The following TPRA1 variants were observed in gnomAD, a reference collection of about 807,000 sequenced individuals.
TPRA1 encodes the protein transmembrane protein adipocyte associated 1, also known as transmembrane protein adipocyte-associated 1.
A neutral mutation model predicts 40.1 loss-of-function variants in TPRA1; 28 were observed. The ratio of observed to expected loss-of-function variants is 0.70; its 90% CI spans 0.52 to 0.96. TPRA1 has a LOEUF of 0.96. Ranked by LOEUF, TPRA1 falls within the 40% of genes least tolerant of loss-of-function variation. TPRA1 has a pLI of 0.00. For missense variants in TPRA1, 441 were observed against 482.6 expected, an observed-to-expected ratio of 0.91 and a Z score of 0.81; for synonymous variants, 219 against 209.7, an observed-to-expected ratio of 1.04 and a Z score of -0.38.
At chr3:127,584,135 G>GAA (rs111958840) in intron 1 of TPRA1, among the ~76,000 whole-genome samples, 11 of 118,142 alleles carry the variant, frequency 9.3e-5, no homozygotes, top group African/African-American at 2.5e-4. Context: ...AGCAAACTTG[G>GAA]AAAAAAAAAA....
chr3:127,596,243 C>T (rs1471312511), intron 1 of TPRA1, among the ~76,000 whole-genome samples: 1 of 152,190 alleles, frequency 6.6e-6, no homozygotes, highest in African/African-American at 2.4e-5. Flanking sequence ...CTACGCCTGG[C>T]TAATTTTGGA....
Position 127,577,083 on chromosome 3 carries a change from G to T in TPRA1, c.259-7C>A, listed in dbSNP as rs1559836414. On this transcript the variant is annotated splice_region_variant and splice_polypyrimidine_tract_variant and intron_variant, in intron 3 of 10. Transcript: ENST00000355552. ...CCAGCGCCACCACAAACACCTGGTGGGCAAGGGAGTGGTGTGGCAGTCAGG... is the reference window on the plus strand; with the variant it reads ...CCAGCGCCACCACAAACACCTGGTGTGCAAGGGAGTGGTGTGGCAGTCAGG... 1 of 1,613,166 alleles carries T rather than the reference G, an allele frequency of 6.2e-7. No homozygotes were observed. The highest frequency in any genetic ancestry group is 8.5e-7 in the Non-Finnish European group (1 of 1,179,974).
At chr3:127,589,839 A>C (rs1159422481) in intron 1 of TPRA1, among the ~76,000 whole-genome samples, 1 of 152,188 alleles carries the variant, frequency 6.6e-6, no homozygotes, top group Non-Finnish European at 1.5e-5. Flanking sequence ...TTATGACGGG[A>C]ACAACTGAAT....
chr3:127,585,223 G>A (rs1576389764), intron 1 of TPRA1, among the ~76,000 whole-genome samples: 1 of 152,316 alleles, frequency 6.6e-6, no homozygotes, highest in South Asian at 2.1e-4. Context: ...GCCAGCCTTG[G>A]AAAGATCGAG....
chr3:127,576,356 G>A lies in TPRA1; in HGVS notation c.498+261C>T, dbSNP rs893574572. On this transcript the variant is annotated intron_variant, in intron 6 of 10. Coordinates refer to ENST00000355552, the MANE Select transcript of TPRA1 (RefSeq NM_001136053.4). The surrounding 1 kb of genome is among the most constrained non-coding windows in gnomAD (Gnocchi z 4.6). ...ATGCATGCTTCTCAGGGGGGTCTGC[G>A]GACCTGCACCATCCCTACCTGAACT... 4.6e-5 allele frequency among the ~76,000 whole-genome samples: 7 copies of A among 152,122 alleles called. No individual in the cohort carries two copies. The highest frequency in any genetic ancestry group is 2.0e-4 in the Admixed American group (3 of 15,268).
In TPRA1 at chr3:127,573,819, C is replaced by T. The variant is rs765363015; in HGVS notation, c.855-31G>A. On this transcript the variant is annotated intron_variant, in intron 10 of 10. Transcript: ENST00000355552. ...AAAAGGAAAAGAGGGGCATGGAAGC[C>T]TCACTGAGTGATTCAGGAAGAGCCT... The T allele has an allele frequency of 4.1e-5, 62 of 1,527,478 alleles. No homozygotes were observed. In the East Asian group the frequency reaches 1.4e-3, roughly 35 times the overall value. The allele number at this position is 1,527,478 out of a possible 1,614,324, so 94.6% of individuals were successfully genotyped here.
At chr3:127,594,073 T>A (rs2074219685), upstream of TPRA1, among the ~76,000 whole-genome samples, 1 of 152,222 alleles carries the variant, frequency 6.6e-6, no homozygotes, top group Non-Finnish European at 1.5e-5. Flanking sequence ...CATGGAAAAC[T>A]TGATGAGACA....
At chr3:127,578,523 T>C (rs1203218275) in intron 3 of TPRA1, among the ~76,000 whole-genome samples, 2 of 152,226 alleles carry the variant, frequency 1.3e-5, no homozygotes, top group East Asian at 1.9e-4. Flanking sequence ...GCCCTGGCTC[T>C]TTCTCCCTGC....
intron 1 of TPRA1, among the ~76,000 whole-genome samples, chr3:127,585,231 G>A (rs547443923): frequency 6.4e-4 from 97 of 152,308 alleles, no homozygotes; most frequent in South Asian, 5.4e-3. Context: ...TGGAAAGATC[G>A]AGATAAAGAA....
chr3:127,585,250 G>A (rs1172948413), intron 1 of TPRA1, among the ~76,000 whole-genome samples: 14 of 152,164 alleles, frequency 9.2e-5, no homozygotes, highest in South Asian at 8.3e-4. Context: ...AACATTCCAG[G>A]GAGAATCACC....
upstream of TPRA1, among the ~76,000 whole-genome samples, chr3:127,592,534 C>T (rs1413040764): frequency 1.3e-5 from 2 of 151,148 alleles, no homozygotes; most frequent in Non-Finnish European, 3.0e-5. Flanking sequence ...TACAGGCGCC[C>T]GCCACCGCGC....
rs2074136969 is a variant in TPRA1, at chr3:127,590,435, C to G, written c.-43G>C. 8.8e-6 allele frequency: 1 copy of G among 113,038 alleles called. No individual in the cohort carries two copies. The highest frequency in any genetic ancestry group is 2.6e-5 in the African/African-American group (1 of 38,118). The allele number at this position is 113,038 out of a possible 1,614,324, so 7.0% of individuals were successfully genotyped here. ...CTGACAGCCCGGGCCGCGCTCAGGA[C>G]CGGCCGCCCCGGCCGCCCCGGCCGC... is the stretch of plus-strand genomic sequence containing the variant. On this transcript the variant is annotated 5_prime_UTR_variant, in exon 1 of 11. Transcript: ENST00000355552.
chr3:127,576,681 TTA>T lies in TPRA1; in HGVS notation c.432_433del (p.Ser144ArgfsTer31). ...GGCCAGCACCCGCTTGATGCTGGAC[TTA>T]CTCTCCAGGTGGCCTGGAAGAAACA... On this transcript the variant is annotated frameshift_variant, in exon 6 of 11. Coordinates refer to ENST00000355552, the MANE Select transcript of TPRA1 (RefSeq NM_001136053.4). LOFTEE classifies it high-confidence loss of function. This position sits in a 1 kb window ranked among gnomAD's most constrained non-coding sequence, Gnocchi z 4.6. The T allele has an allele frequency of 6.2e-7, 1 of 1,610,784 alleles. No homozygotes were observed.
chr3:127,589,419 TG>T (rs929278107), intron 1 of TPRA1, among the ~76,000 whole-genome samples: 1 of 151,874 alleles, frequency 6.6e-6, no homozygotes, highest in African/African-American at 2.4e-5. Flanking sequence ...GGCCTAAGGG[TG>T]GTGAGAAGGG....
At chr3:127,577,143 C>A in intron 3 of TPRA1, 67 bp from the exon 4 acceptor site, 4 of 1,520,370 alleles carry the variant, frequency 2.6e-6, no homozygotes, top group Non-Finnish European at 3.6e-6. Flanking sequence ...GGGCAGCAAG[C>A]CCACCCCCAT....
intron 1 of TPRA1, among the ~76,000 whole-genome samples, chr3:127,582,789 T>C (rs1576383574): frequency 6.8e-6 from 1 of 146,724 alleles, no homozygotes; most frequent in Non-Finnish European, 1.5e-5. Flanking sequence ...TCACCTGAGG[T>C]TGGGAGTTTG....
intron 1 of TPRA1, among the ~76,000 whole-genome samples, chr3:127,597,634 T>C (rs1280648596): frequency 1.3e-5 from 2 of 152,196 alleles, no homozygotes; most frequent in African/African-American, 4.8e-5. Context: ...CCTCCCTGCG[T>C]CTTCGCTCCC....
At position 127,573,739 on chromosome 3, in the gene TPRA1, C is replaced by T; in HGVS notation, c.904G>A (p.Glu302Lys). Residue 302 changes from glutamate to lysine, a missense_variant, in exon 11 of 11, where the codon GAG (glutamate) becomes AAG (lysine). Physicochemically the swap from Glu to Lys is moderately conservative, Grantham distance 56. Coordinates refer to ENST00000355552, the MANE Select transcript of TPRA1 (RefSeq NM_001136053.4). ...FSYKCQVDET[E>K]EPDVHLPQPY... ...TGGGGTAGGTGTACATCTGGCTCCTCTGTCTCGTCCACTTGGCATTTGTAG... is the reference window on the plus strand; with the variant it reads ...TGGGGTAGGTGTACATCTGGCTCCTTTGTCTCGTCCACTTGGCATTTGTAG... 6.3e-7 allele frequency: 1 copy of T among 1,594,588 alleles called. No homozygotes were observed.
rs559400908 is a variant in TPRA1, at chr3:127,572,319, C to T, written c.*1202G>A. ...GCTGAGACCTCCCCAGGCTCTGAAG[C>T]ATGCAGTTGGCTGTGTCCTGGATGG... On this transcript the variant is annotated 3_prime_UTR_variant, in exon 11 of 11. Transcript: ENST00000355552. Among the ~76,000 whole-genome samples the T allele has an allele frequency of 6.6e-6, 1 of 152,364 alleles. No individual in the cohort carries two copies. Among genetic ancestry groups the T allele is most frequent in the South Asian group, 2.1e-4 (1 of 4,828 alleles).
Sources: gnomAD v4.1 joint callset for allele counts (sites outside exome capture counted in the v4.1 genomes callset) on GRCh38, gnomAD v4.1.1 for gene constraint, Gnocchi (gnomAD v3.1) non-coding constraint, MANE v1.5 for transcripts, NCBI Gene and HGNC (gene_info 2026-07-23, HGNC 2026-07-21) for gene names.